Variants in AK5 observed in about 807,000 individuals in gnomAD.
The protein encoded by AK5 is adenylate kinase 5, also known as adenylate kinase isoenzyme 5.
Under a neutral mutation model 69.5 loss-of-function variants are expected in AK5, and 27 were observed. The ratio of observed to expected loss-of-function variants is 0.39; its 90% CI spans 0.29 to 0.54. AK5 has a LOEUF of 0.54. AK5 is among the 20% of genes least tolerant of loss of function. The pLI is 0.71. For synonymous variants in AK5, 260 were observed against 244.4 expected (o/e 1.06, Z -0.60); for missense variants, 531 against 700.4 (o/e 0.76, Z 2.73).
At chr1:77,289,962 G>T (rs1351181714) in intron 2 of AK5, among the ~76,000 whole-genome samples, 3 of 150,806 alleles carry the variant, frequency 2.0e-5, no homozygotes, top group Non-Finnish European at 3.0e-5. Context: ...TACACAAATT[G>T]TGAGTTTGGA....
intron 6 of AK5, among the ~76,000 whole-genome samples, chr1:77,373,839 T>C (rs1030316326): frequency 2.0e-5 from 3 of 152,224 alleles, no homozygotes; most frequent in Admixed American, 6.5e-5. Context: ...CTGAAGTAAA[T>C]TGTAAATTTA....
At chr1:77,485,987 T>C (rs1200851008) in intron 9 of AK5, among the ~76,000 whole-genome samples, 1 of 152,066 alleles carries the variant, frequency 6.6e-6, no homozygotes, top group Non-Finnish European at 1.5e-5. Context: ...TGTGGTGGCA[T>C]GCCTATAATC....
rs942004956 is a variant in AK5, at chr1:77,293,724, C to G, written c.248-69C>G. 27 of 1,322,746 alleles carry G rather than the reference C, an allele frequency of 2.0e-5. No individual in the cohort carries two copies. In the Admixed American group the frequency reaches 4.4e-4, roughly 22 times the overall value. 81.9% of individuals were successfully genotyped at this position (1,322,746 alleles called of 1,614,324 possible). A position where few individuals can be genotyped will look rare whatever the true frequency, so the allele number is the denominator to read the frequency against. Reference sequence around the variant, plus strand: ...TTAATTTTAAAATTGCTTTTACTAACTGTTTAAGTGTGAAGAGTGTTTTAT... The same window carrying G: ...TTAATTTTAAAATTGCTTTTACTAAGTGTTTAAGTGTGAAGAGTGTTTTAT... On this transcript the variant is annotated intron_variant, in intron 2 of 13. Transcript: ENST00000354567.
intron 5 of AK5, chr1:77,315,001 C>T (rs1368117792): frequency 6.6e-6 from 1 of 151,988 alleles, no homozygotes; most frequent in Non-Finnish European, 1.5e-5. Flanking sequence ...AATAATGTAC[C>T]CTTACGGTAA....
At chr1:77,319,207 G>A (rs1472093340) in intron 5 of AK5, among the ~76,000 whole-genome samples, 2 of 152,154 alleles carry the variant, frequency 1.3e-5, no homozygotes, top group African/African-American at 4.8e-5. Flanking sequence ...CAGGATGAGA[G>A]CCAAGGGAAT....
intron 12 of AK5, among the ~76,000 whole-genome samples, chr1:77,534,426 G>C (rs566587380): frequency 7.9e-5 from 12 of 152,090 alleles, no homozygotes; most frequent in Non-Finnish European, 1.8e-4. Context: ...CTTGGGACTA[G>C]GAGCAGAGAA....
intron 5 of AK5, chr1:77,315,017 G>A (rs891818571): frequency 5.3e-5 from 8 of 152,068 alleles, no homozygotes; most frequent in South Asian, 2.1e-4. Flanking sequence ...GGTAAAATAC[G>A]TGTACATATA....
chr1:77,337,665 G>T (rs1489922463), intron 5 of AK5, among the ~76,000 whole-genome samples: 2 of 152,098 alleles, frequency 1.3e-5, no homozygotes, highest in African/African-American at 4.8e-5. Flanking sequence ...AATACTACAA[G>T]TGATTCTCTA....
rs947496984 is a variant in AK5, at chr1:77,461,080, C to G, written c.1060-22237C>G. ...ACGGAGTCTGGGTCTTTCGCCCAGGCTGGACTGCAGTGGTGCTATCTCGGC... is the reference window on the plus strand; with the variant it reads ...ACGGAGTCTGGGTCTTTCGCCCAGGGTGGACTGCAGTGGTGCTATCTCGGC... On this transcript the variant is annotated intron_variant, in intron 8 of 13. Transcript: ENST00000354567. 6.6e-4 allele frequency among the ~76,000 whole-genome samples: 97 copies of G among 146,762 alleles called. 2 individuals are homozygous for G. Among genetic ancestry groups the G allele is most frequent in the Middle Eastern group, 3.8e-3 (1 of 260 alleles).
chr1:77,416,171 A>G lies in AK5; in HGVS notation c.983-1468A>G, dbSNP rs949615133. Among the ~76,000 whole-genome samples the G allele has an allele frequency of 3.9e-5, 6 of 152,216 alleles. No homozygotes were observed. The South Asian group carries it at 1.2e-3, about 32-fold the overall frequency. The stretch of plus-strand genomic sequence containing the variant: ...CACCTTACAAAATTATTTATTTGAA[A>G]AAAATACCAAAAGTACAAAGGTAGA... On this transcript the variant is annotated intron_variant, in intron 7 of 13. Coordinates refer to ENST00000354567, the MANE Select transcript of AK5 (RefSeq NM_174858.3).
intron 6 of AK5, among the ~76,000 whole-genome samples, chr1:77,406,113 T>C (rs1649610274): frequency 6.6e-6 from 1 of 152,156 alleles, no homozygotes; most frequent in Non-Finnish European, 1.5e-5. Flanking sequence ...AACTAACAGA[T>C]ATCTGAAAAG....
At chr1:77,523,551 T>G (rs1464347965) in intron 12 of AK5, among the ~76,000 whole-genome samples, 1 of 152,252 alleles carries the variant, frequency 6.6e-6, no homozygotes, top group Non-Finnish European at 1.5e-5. Flanking sequence ...ATTTGTCATC[T>G]TAACCATTTT....
chr1:77,417,714 A>G lies in AK5; in HGVS notation c.1058A>G (p.Gln353Arg). 1.3e-6 allele frequency: 2 copies of G among 1,573,168 alleles called. No individual in the cohort carries two copies. The highest frequency in any genetic ancestry group is 8.7e-7 in the Non-Finnish European group (1 of 1,147,356). Residue 353 changes from glutamine to arginine, a missense_variant and splice_region_variant, in exon 8 of 14, where the codon CAG becomes CGG. Coordinates refer to ENST00000354567, the MANE Select transcript of AK5 (RefSeq NM_174858.3). ...GATACAGGATCTGATTATGAAGATC[A>G]GGTAATTAAAATCTGAAAATAGTTC... ...IIDTGSDYED[Q>R]GDDQLNVFGE... is the part of the protein sequence containing the mutation.
At chr1:77,470,941 C>T (rs1478346350) in intron 8 of AK5, among the ~76,000 whole-genome samples, 5 of 137,152 alleles carry the variant, frequency 3.6e-5, no homozygotes, top group Non-Finnish European at 7.6e-5. Context: ...AGTGCAGTGG[C>T]ATGATCTTGG....
chr1:77,444,385 G>C (rs1408004339), intron 8 of AK5, among the ~76,000 whole-genome samples: 5 of 24,320 alleles, frequency 2.1e-4, no homozygotes, highest in African/African-American at 8.5e-4. Flanking sequence ...ACTATATATA[G>C]TATATATAGT....
At chr1:77,384,817 G>A (rs775815494) in intron 6 of AK5, among the ~76,000 whole-genome samples, 3 of 152,068 alleles carry the variant, frequency 2.0e-5, no homozygotes, top group Non-Finnish European at 4.4e-5. Context: ...AATACTTCTA[G>A]GATTCGGTAA....
intron 13 of AK5, among the ~76,000 whole-genome samples, chr1:77,547,260 T>C (rs1490717906): frequency 2.0e-5 from 3 of 148,872 alleles, no homozygotes; most frequent in Admixed American, 1.4e-4. Context: ...ATGTAATCAA[T>C]ATAAAGTTCT....
intron 6 of AK5, among the ~76,000 whole-genome samples, chr1:77,368,245 A>ATATATATGTATGTTATATATAT (rs1553140334): frequency 1.5e-5 from 1 of 67,906 alleles, no homozygotes; most frequent in Non-Finnish European, 2.9e-5. Flanking sequence ...ATATATATAT[A>ATATATATGTATGTTATATATAT]TATATATAAT....
At chr1:77,412,434 G>A (rs777929236) in intron 7 of AK5, among the ~76,000 whole-genome samples, 3 of 152,088 alleles carry the variant, frequency 2.0e-5, no homozygotes, top group Non-Finnish European at 4.4e-5. Flanking sequence ...CTCAACTCCC[G>A]CTAACTCTTC....
Sources: allele counts gnomAD v4.1 joint callset (sites outside exome capture counted in the v4.1 genomes callset), GRCh38; gene constraint gnomAD v4.1.1; transcripts MANE v1.5; gene names NCBI Gene and HGNC (gene_info 2026-07-23, HGNC 2026-07-21).